HAPLN1: variants seen among roughly 807,000 people sequenced by gnomAD.
The protein encoded by HAPLN1 is hyaluronan and proteoglycan link protein 1, also known as Cartilage link protein.
Under a neutral mutation model 36.5 loss-of-function variants are expected in HAPLN1, and 13 were observed. The ratio of observed to expected loss-of-function variants is 0.36; its 90% CI spans 0.23 to 0.57. HAPLN1 has a LOEUF of 0.57. Ranked by LOEUF, HAPLN1 falls within the 20% of genes least tolerant of loss-of-function variation. The pLI, the probability that HAPLN1 is intolerant of heterozygous loss-of-function variation, is 0.83. For synonymous variants in HAPLN1, 202 were observed against 169.8 expected (o/e 1.19, Z -1.48); for missense variants, 407 against 439.7 (o/e 0.93, Z 0.66).
intron 4 of HAPLN1, among the ~76,000 whole-genome samples, chr5:83,643,265 T>G (rs1282976915): frequency 6.6e-6 from 1 of 151,340 alleles, no homozygotes; most frequent in African/African-American, 2.4e-5. Flanking sequence ...GGAGAGTCAT[T>G]TGGGAACCAG....
intron 1 of HAPLN1, among the ~76,000 whole-genome samples, chr5:83,686,493 C>T (rs976421297): frequency 2.6e-5 from 4 of 152,148 alleles, no homozygotes; most frequent in African/African-American, 9.7e-5. Flanking sequence ...TCATTCTTAT[C>T]TTAGTTGGCA....
chr5:83,703,401 A>G (rs1751554612), intron 1 of HAPLN1: 1 of 152,044 alleles, frequency 6.6e-6, no homozygotes, highest in African/African-American at 2.4e-5. Context: ...GTTTTTTTGT[A>G]GTTTCCAGTT....
chr5:83,718,913 C>G (rs80232881), intron 1 of HAPLN1, among the ~76,000 whole-genome samples: 1 of 152,194 alleles, frequency 6.6e-6, no homozygotes, highest in Non-Finnish European at 1.5e-5. Context: ...AAGTGCATTG[C>G]TATCTTAAGA....
At chr5:83,715,360 G>A (rs1751894109) in intron 1 of HAPLN1, among the ~76,000 whole-genome samples, 1 of 152,166 alleles carries the variant, frequency 6.6e-6, no homozygotes, top group African/African-American at 2.4e-5. Context: ...GGGGTAGAGA[G>A]CAGGAGTCTC....
intron 1 of HAPLN1, among the ~76,000 whole-genome samples, chr5:83,678,279 T>A (rs531725383): frequency 2.0e-4 from 30 of 151,502 alleles, no homozygotes; most frequent in Admixed American, 1.1e-3. Context: ...TTTAAAACAC[T>A]GGAAATGAAT....
intron 2 of HAPLN1, among the ~76,000 whole-genome samples, chr5:83,662,492 C>T (rs906048147): frequency 6.6e-5 from 10 of 151,942 alleles, no homozygotes; most frequent in African/African-American, 2.4e-4. Context: ...ATGTTTTAGA[C>T]CTAGAAAACA....
intron 1 of HAPLN1, among the ~76,000 whole-genome samples, chr5:83,694,194 C>A (rs1313979969): frequency 3.3e-5 from 5 of 151,924 alleles, no homozygotes; most frequent in African/African-American, 9.6e-5. Flanking sequence ...TTTTAAATAA[C>A]CCAAGGGTCA....
At chr5:83,649,421 C>A (rs1749983277) in intron 3 of HAPLN1, among the ~76,000 whole-genome samples, 2 of 151,972 alleles carry the variant, frequency 1.3e-5, no homozygotes, top group Non-Finnish European at 2.9e-5. Flanking sequence ...CATTCATGGT[C>A]CAAATCAAGT....
intron 1 of HAPLN1, among the ~76,000 whole-genome samples, chr5:83,706,108 A>T (rs1751643145): frequency 6.6e-6 from 1 of 151,194 alleles, no homozygotes. Context: ...CCAATCGAAA[A>T]AAAAAAAAAA....
intron 1 of HAPLN1, among the ~76,000 whole-genome samples, chr5:83,679,608 T>C (rs746263481): frequency 2.6e-5 from 4 of 152,182 alleles, no homozygotes; most frequent in African/African-American, 4.8e-5. Flanking sequence ...GACGTGGTCA[T>C]AGGATTACTT....
At chr5:83,679,491 CTTTTGT>C in intron 1 of HAPLN1, among the ~76,000 whole-genome samples, 1 of 152,198 alleles carries the variant, frequency 6.6e-6, no homozygotes, top group East Asian at 1.9e-4. Context: ...TACTTTCTTG[CTTTTGT>C]TTATCCATTC....
intron 2 of HAPLN1, among the ~76,000 whole-genome samples, chr5:83,662,152 C>G (rs550603272): frequency 6.6e-6 from 1 of 152,170 alleles, no homozygotes; most frequent in African/African-American, 2.4e-5. Flanking sequence ...ATCTGCCCCC[C>G]TCGGCCTCCC....
chr5:83,648,156 C>T (rs915625994), intron 3 of HAPLN1, among the ~76,000 whole-genome samples: 14 of 151,836 alleles, frequency 9.2e-5, no homozygotes, highest in African/African-American at 3.4e-4. Context: ...TTGTTGCCTG[C>T]TATTTCTAGG....
At chr5:83,716,877 C>T (rs1465026150) in intron 1 of HAPLN1, among the ~76,000 whole-genome samples, 3 of 152,076 alleles carry the variant, frequency 2.0e-5, no homozygotes, top group African/African-American at 7.2e-5. Context: ...ACTAAAAATA[C>T]AAAAATTAGC....
chr5:83,659,825 G>A lies in HAPLN1; in HGVS notation c.101-7001C>T, dbSNP rs552580020. On this transcript the variant is annotated intron_variant, in intron 2 of 4. Transcript: ENST00000274341. ...CCTATTTTTTAAAGATACTATTGCTGAAGATAGTAATTGTTGTCTGGTTTT... is the reference window on the plus strand; with the variant it reads ...CCTATTTTTTAAAGATACTATTGCTAAAGATAGTAATTGTTGTCTGGTTTT... Among the ~76,000 whole-genome samples, 6 of 152,116 alleles carry A rather than the reference G, an allele frequency of 3.9e-5. No homozygotes were observed. In the East Asian group the frequency reaches 7.7e-4, roughly 20 times the overall value.
intron 2 of HAPLN1, among the ~76,000 whole-genome samples, chr5:83,665,152 AC>A (rs1248867758): frequency 6.6e-6 from 1 of 152,176 alleles, no homozygotes; most frequent in African/African-American, 2.4e-5. Context: ...TTTGTAATTT[AC>A]CTTTCTGTGC....
chr5:83,642,217 C>A (rs1327821590), intron 4 of HAPLN1, among the ~76,000 whole-genome samples: 1 of 152,016 alleles, frequency 6.6e-6, no homozygotes, highest in East Asian at 1.9e-4. Context: ...ACATTCCTGA[C>A]ATAAAAGTCC....
intron 2 of HAPLN1, among the ~76,000 whole-genome samples, chr5:83,660,705 C>T (rs1388575135): frequency 6.6e-6 from 1 of 151,960 alleles, no homozygotes; most frequent in East Asian, 1.9e-4. Flanking sequence ...TTCTGCCTTT[C>T]CACATTCATT....
At chr5:83,708,569 G>A (rs183050336) in intron 1 of HAPLN1, among the ~76,000 whole-genome samples, 1 of 152,088 alleles carries the variant, frequency 6.6e-6, no homozygotes, top group African/African-American at 2.4e-5. Flanking sequence ...TGAGGGTGGA[G>A]GTTGGGAAGA....
Sources: gnomAD v4.1 joint callset for allele counts (sites outside exome capture counted in the v4.1 genomes callset) on GRCh38, gnomAD v4.1.1 for gene constraint, MANE v1.5 for transcripts, NCBI Gene and HGNC (gene_info 2026-07-23, HGNC 2026-07-21) for gene names.